TMEM156: variants seen among roughly 807,000 people sequenced by gnomAD.
TMEM156 encodes the protein transmembrane protein 156.
Under a neutral mutation model 30.5 loss-of-function variants are expected in TMEM156, and 28 were observed. That is an observed-to-expected ratio of 0.92 (90% CI 0.68 to 1.26). The LOEUF (loss-of-function observed/expected upper bound fraction) is 1.26. TMEM156 is among the 50% of genes most tolerant of loss of function. The probability of loss-of-function intolerance (pLI) is 0.00; values close to 1 mark genes in which losing one functional copy is unlikely to be tolerated. For synonymous variants in TMEM156, 137 were observed against 119.9 expected, an observed-to-expected ratio of 1.14 and a Z score of -0.93; for missense variants, 351 against 340.6, an observed-to-expected ratio of 1.03 and a Z score of -0.24.
chr4:38,980,492 T>C lies in TMEM156; in HGVS notation c.823+5844A>G, dbSNP rs531151392. Among the ~76,000 whole-genome samples, 24 of 152,366 alleles carry C rather than the reference T, an allele frequency of 1.6e-4. 1 individual carries two copies. Among genetic ancestry groups the C allele is most frequent in the Admixed American group, 2.6e-4 (4 of 15,304 alleles). ...ATGACATGCCCATATATATGCATTA[T>C]GCTATGAGCTGGGGATGCAGTGATG... On this transcript the variant is annotated intron_variant, in intron 5 of 6. Transcript: ENST00000381938.
At position 38,998,845 on chromosome 4, in the gene TMEM156, G is replaced by A. The variant is rs760252276; in HGVS notation, c.153C>T (p.Ser51=). The A allele has an allele frequency of 1.9e-6, 3 of 1,613,658 alleles. No individual in the cohort carries two copies. Among genetic ancestry groups the A allele is most frequent in the South Asian group, 1.1e-5 (1 of 91,080 alleles). The change falls in exon 2 of 7, where the codon TCC becomes TCT. Residue 51 remains serine (S), a synonymous_variant. Coordinates refer to ENST00000381938, the MANE Select transcript of TMEM156 (RefSeq NM_024943.3). The part of the protein sequence containing the change: ...CLQSNFTYSL[S]SLNFSFVTFL... The stretch of plus-strand genomic sequence containing the variant: ...AAGTCACAAAAGAAAAATTTAAGGA[G>A]GAGAGTGAATAGGTAAAATTAGATT...
intron 1 of TMEM156, among the ~76,000 whole-genome samples, chr4:39,002,904 G>C (rs1009828552): frequency 2.6e-5 from 4 of 151,890 alleles, no homozygotes; most frequent in African/African-American, 9.7e-5. Context: ...GACGGGGGAG[G>C]GATAGCATTG....
chr4:38,992,854 C>T (rs1325741933), intron 3 of TMEM156, among the ~76,000 whole-genome samples: 2 of 149,522 alleles, frequency 1.3e-5, no homozygotes, highest in East Asian at 2.0e-4. Flanking sequence ...CTCCGCCTCC[C>T]GGATTCAAGC....
intron 1 of TMEM156, among the ~76,000 whole-genome samples, chr4:39,030,608 A>T (rs1715454616): frequency 6.6e-6 from 1 of 152,170 alleles, no homozygotes; most frequent in South Asian, 2.1e-4. Flanking sequence ...AACCTTTAAC[A>T]TGCTCCTGTA....
At chr4:39,003,285 A>T (rs1363695598) in intron 1 of TMEM156, among the ~76,000 whole-genome samples, 1 of 152,074 alleles carries the variant, frequency 6.6e-6, no homozygotes, top group African/African-American at 2.4e-5. Context: ...ATTTCCAGCT[A>T]TACAAAATTT....
intron 1 of TMEM156, among the ~76,000 whole-genome samples, chr4:39,024,401 T>C (rs1715071100): frequency 6.6e-6 from 1 of 152,130 alleles, no homozygotes; most frequent in Non-Finnish European, 1.5e-5. Context: ...GTTACACAGG[T>C]GCACACGAAT....
At chr4:39,024,414 C>G (rs1484148081) in intron 1 of TMEM156, among the ~76,000 whole-genome samples, 5 of 152,040 alleles carry the variant, frequency 3.3e-5, no homozygotes, top group Non-Finnish European at 7.4e-5. Context: ...ACACGAATGT[C>G]AAAATTCATG....
chr4:39,010,487 C>T lies in TMEM156; in HGVS notation c.89-11578G>A, dbSNP rs538363190. ...TAAGCAAAAAGAACAAAGCCAGAGG[C>T]ATCATATCTTCCAACTTCAAACTAT... is the stretch of plus-strand genomic sequence containing the variant. On this transcript the variant is annotated intron_variant, in intron 1 of 6. Transcript: ENST00000381938. Among the ~76,000 whole-genome samples, 3 of 152,276 alleles carry T rather than the reference C, an allele frequency of 2.0e-5. No individual in the cohort carries two copies. In the South Asian group the frequency reaches 6.2e-4, roughly 32 times the overall value.
At chr4:38,990,394 C>T (rs62294544) in intron 3 of TMEM156, among the ~76,000 whole-genome samples, 17,460 of 152,238 alleles carry the variant, frequency 0.11, 1,167 homozygotes, top group East Asian at 0.2. Context: ...GCATTCCTCA[C>T]GCAGCAAAAT....
chr4:38,998,571 T>A lies in TMEM156; in HGVS notation c.358+69A>T, dbSNP rs76826025. The A allele has an allele frequency of 9.1e-4, 1,225 of 1,342,378 alleles. 7 individuals carry two copies. In the African/African-American group the frequency reaches 0.016, roughly 18 times the overall value. The allele number at this position is 1,342,378 out of a possible 1,614,324, so 83.2% of individuals were successfully genotyped here. On this transcript the variant is annotated intron_variant, in intron 2 of 6. Coordinates refer to ENST00000381938, the MANE Select transcript of TMEM156 (RefSeq NM_024943.3). ...AAAAAAAAAAAGAATATATTATTAATACGTTTTTAACAGAATAAATTAATT... is the reference window on the plus strand; with the variant it reads ...AAAAAAAAAAAGAATATATTATTAAAACGTTTTTAACAGAATAAATTAATT...
intron 2 of TMEM156, 82 bp downstream of exon 2, chr4:38,998,558 A>C: frequency 7.9e-7 from 1 of 1,273,262 alleles, no homozygotes; most frequent in Non-Finnish European, 1.0e-6. Context: ...AAAAAAAAAG[A>C]ATATATTATT....
chr4:38,992,721 TATAATATATATATAATATATA>T, intron 3 of TMEM156, among the ~76,000 whole-genome samples: 1 of 50,308 alleles, frequency 2.0e-5, no homozygotes, highest in African/African-American at 6.2e-5. Flanking sequence ...ATTATATATA[TATAATATATATATAATATATA>T]ATATATTATA....
At chr4:39,001,086 T>C (rs1240304118) in intron 1 of TMEM156, among the ~76,000 whole-genome samples, 1 of 151,704 alleles carries the variant, frequency 6.6e-6, no homozygotes, top group Non-Finnish European at 1.5e-5. Context: ...AAATTCCCAG[T>C]CTGATAGTCT....
At chr4:38,989,955 G>C (rs573589385) in intron 3 of TMEM156, among the ~76,000 whole-genome samples, 5 of 151,968 alleles carry the variant, frequency 3.3e-5, no homozygotes, top group Non-Finnish European at 5.9e-5. Flanking sequence ...CACCACGCCC[G>C]GCTAATTTTT....
intron 1 of TMEM156, among the ~76,000 whole-genome samples, chr4:39,015,215 A>G (rs577276014): frequency 1.8e-4 from 27 of 152,314 alleles, no homozygotes; most frequent in African/African-American, 6.3e-4. Context: ...GGCAGGCAGA[A>G]TAAGTGTCCC....
At chr4:38,972,721 C>T (rs772424269) in intron 5 of TMEM156, among the ~76,000 whole-genome samples, 8 of 152,100 alleles carry the variant, frequency 5.3e-5, no homozygotes, top group South Asian at 2.1e-4. Flanking sequence ...AAGCGCCAGC[C>T]GTTTGTATTT....
intron 5 of TMEM156, chr4:38,980,872 CAT>C: frequency 1.1e-6 from 1 of 939,114 alleles, no homozygotes; most frequent in South Asian, 4.9e-5. Context: ...TTTATGTGCA[CAT>C]GTTTTACCAT....
At position 38,998,743 on chromosome 4, in the gene TMEM156, C is replaced by T. The variant is rs1250948242; in HGVS notation, c.255G>A (p.Arg85=). Residue 85 remains arginine (R), a synonymous_variant, in exon 2 of 7, where the codon AGG becomes AGA. Coordinates refer to ENST00000381938, the MANE Select transcript of TMEM156 (RefSeq NM_024943.3). The part of the protein sequence containing the change: ...LNPSNFRNFT[R]TCQDITGEFK... The stretch of plus-strand genomic sequence containing the variant: ...ATTCACCTGTGATGTCTTGGCAAGT[C>T]CTGGTGAAGTTACGAAAATTGGAGG... 3.1e-6 allele frequency: 5 copies of T among 1,613,802 alleles called. No homozygotes were observed. Among genetic ancestry groups the T allele is most frequent in the African/African-American group, 2.7e-5 (2 of 75,014 alleles).
intron 5 of TMEM156, among the ~76,000 whole-genome samples, chr4:38,974,175 CAAT>C (rs1340897786): frequency 6.7e-6 from 1 of 148,518 alleles, no homozygotes; most frequent in African/African-American, 2.5e-5. Context: ...TAAGATTTCT[CAAT>C]GATTTATTTA....
Sources: allele counts gnomAD v4.1 joint callset (sites outside exome capture counted in the v4.1 genomes callset), GRCh38; gene constraint gnomAD v4.1.1; transcripts MANE v1.5; gene names NCBI Gene and HGNC (gene_info 2026-07-23, HGNC 2026-07-21).